NCSTN: variants seen among roughly 807,000 people sequenced by gnomAD.
NCSTN encodes nicastrin, also known as anterior pharynx-defective 2.
A neutral mutation model predicts 87.0 loss-of-function variants in NCSTN; 22 were observed. The ratio of observed to expected loss-of-function variants is 0.25; its 90% CI spans 0.18 to 0.36. The LOEUF (loss-of-function observed/expected upper bound fraction) is 0.36. Among genes scored for constraint, NCSTN ranks in the 10% least tolerant of loss-of-function variants. The probability of loss-of-function intolerance (pLI) is 1.00; values close to 1 mark genes in which losing one functional copy is unlikely to be tolerated. For synonymous variants in NCSTN, 306 were observed against 327.1 expected (o/e 0.94, Z 0.69); for missense variants, 693 against 883.3 (o/e 0.78, Z 2.73).
chr1:160,351,193 G>C (rs1332491245), intron 5 of NCSTN, 29 bp from the exon 6 acceptor site: 1 of 1,613,720 alleles, frequency 6.2e-7, no homozygotes, highest in African/African-American at 1.3e-5. Flanking sequence ...CAAACTAGCT[G>C]TCTCAGTGGG....
intron 5 of NCSTN, 87 bp from the exon 6 acceptor site, chr1:160,351,135 G>C: frequency 1.4e-6 from 2 of 1,417,508 alleles, no homozygotes; most frequent in Non-Finnish European, 2.0e-6. Context: ...CATCCCAAAA[G>C]GATGGAACTG....
chr1:160,358,019 A>C (rs1258706571), intron 16 of NCSTN, 130 bp from the exon 17 acceptor site: 26 of 1,173,434 alleles, frequency 2.2e-5, no homozygotes, highest in Non-Finnish European at 2.7e-5. Flanking sequence ...GTTGCCCATG[A>C]TTATTCCATA....
rs777729033 is a variant in NCSTN, at chr1:160,356,581, C to T, written c.1640-19C>T. The T allele has an allele frequency of 1.2e-6, 2 of 1,614,166 alleles. No homozygotes were observed. The highest frequency in any genetic ancestry group is 2.2e-5 in the East Asian group (1 of 44,882). ...CCATCCACCCACCAAATCTTCCCTTCCCTTTGGTCTGCACTCAGGTGACGG... is the reference window on the plus strand; with the variant it reads ...CCATCCACCCACCAAATCTTCCCTTTCCTTTGGTCTGCACTCAGGTGACGG... On this transcript the variant is annotated intron_variant, in intron 14 of 16. Transcript: ENST00000294785.
In NCSTN at chr1:160,358,334, G is replaced by A; in HGVS notation, c.*63G>A. The stretch of plus-strand genomic sequence containing the variant: ...CTTCCTAGAGCATCTGTCCCACTGG[G>A]ACACAACCACTAATTTGTCACTGGA... On this transcript the variant is annotated 3_prime_UTR_variant, in exon 17 of 17. Coordinates refer to ENST00000294785, the MANE Select transcript of NCSTN (RefSeq NM_015331.3). 2 of 1,609,722 alleles carry A rather than the reference G, an allele frequency of 1.2e-6. No individual in the cohort carries two copies. Among genetic ancestry groups the A allele is most frequent in the Non-Finnish European group, 1.7e-6 (2 of 1,178,346 alleles).
chr1:160,349,934 A>G (rs551133842), intron 4 of NCSTN, among the ~76,000 whole-genome samples, 171 bp from the exon 5 acceptor site: 3 of 151,972 alleles, frequency 2.0e-5, no homozygotes, highest in African/African-American at 7.3e-5. Context: ...CCCTGATACC[A>G]TTGTCTTTCT....
Position 160,353,150 on chromosome 1 carries a change from C to A in NCSTN, c.1102-10C>A, listed in dbSNP as rs375632985. ...TGATTCTAAGTGTTGTTTCTTCATC[C>A]TCCCCCCAGGTGGCCTTAAGAACTT... On this transcript the variant is annotated splice_polypyrimidine_tract_variant and intron_variant, in intron 9 of 16. Transcript: ENST00000294785. The A allele has an allele frequency of 3.4e-5, 55 of 1,613,678 alleles. 1 individual carries two copies. Among genetic ancestry groups the A allele is most frequent in the East Asian group, 2.4e-4 (11 of 44,902 alleles).
intron 8 of NCSTN, among the ~76,000 whole-genome samples, chr1:160,352,449 G>C (rs1648906446): frequency 6.6e-6 from 1 of 152,142 alleles, no homozygotes; most frequent in Non-Finnish European, 1.5e-5. Flanking sequence ...TTCCCCCACT[G>C]ATAAGATATA....
intron 5 of NCSTN, among the ~76,000 whole-genome samples, 166 bp from the exon 6 acceptor site, chr1:160,351,056 T>C (rs1157811369): frequency 6.6e-6 from 1 of 152,206 alleles, no homozygotes; most frequent in Non-Finnish European, 1.5e-5. Context: ...TCTTTGACCT[T>C]ATAGATCCTA....
At chr1:160,349,349 C>T (rs1235327271) in intron 3 of NCSTN, 200 bp from the exon 4 acceptor site, 4 of 936,884 alleles carry the variant, frequency 4.3e-6, no homozygotes, top group African/African-American at 1.6e-5. Flanking sequence ...CCTCCCCTCC[C>T]TCCCTGGGGT....
At chr1:160,351,859 AGGCC>A (rs1648864879) in intron 7 of NCSTN, 54 bp downstream of exon 7, 1 of 1,491,692 alleles carries the variant, frequency 6.7e-7, no homozygotes, top group Non-Finnish European at 9.4e-7. Context: ...AAGAGCTGGT[AGGCC>A]CCGCTCTAGC....
chr1:160,353,467 T>C (rs1571208030), intron 10 of NCSTN: 1 of 1,422,318 alleles, frequency 7.0e-7, no homozygotes, highest in Non-Finnish European at 9.2e-7. Context: ...TGATCATTTG[T>C]TGCCTAGCAG....
At chr1:160,349,335 C>T (rs1557884453) in intron 3 of NCSTN, among the ~76,000 whole-genome samples, 3 of 152,160 alleles carry the variant, frequency 2.0e-5, no homozygotes, top group African/African-American at 4.8e-5. Context: ...TAACCCTGGG[C>T]ATCCCTCCCC....
Position 160,354,253 on chromosome 1 carries a change from G to T in NCSTN, c.1315G>T (p.Val439Phe), listed in dbSNP as rs144264818. ...TCTTCGAGCTCGAAACATCTCTGGC[G>T]TTGTTCTGGCTGACCACTCTGGTGC... ...RFLRARNISGVVLADHSGAFH... is the reference protein window; with the variant it reads ...RFLRARNISGFVLADHSGAFH... The change falls in exon 11 of 17, where the codon GTT (valine) becomes TTT (phenylalanine). Residue 439 changes from valine to phenylalanine, a missense_variant. Physicochemically the swap from Val to Phe is conservative, Grantham distance 50 (BLOSUM62 -1). Transcript: ENST00000294785. 1 of 1,614,160 alleles carries T rather than the reference G, an allele frequency of 6.2e-7. No individual in the cohort carries two copies. Among genetic ancestry groups the T allele is most frequent in the South Asian group, 1.1e-5 (1 of 91,082 alleles).
At position 160,355,863 on chromosome 1, in the gene NCSTN, G is replaced by A; in HGVS notation, c.1456G>A (p.Ala486Thr). 2 of 1,613,970 alleles carry A rather than the reference G, an allele frequency of 1.2e-6. No individual in the cohort carries two copies. Among genetic ancestry groups the A allele is most frequent in the Non-Finnish European group, 1.7e-6 (2 of 1,179,856 alleles). ...DLNFVTDTAK[A>T]LADVATVLGR... ...TCAGCCCCCTCCTCACCTACCACAG[G>A]CCCTGGCAGATGTGGCCACGGTGCT... The change falls in exon 13 of 17, where the codon GCC becomes ACC. Residue 486 changes from alanine (A) to threonine (T), a missense_variant and splice_region_variant. By Grantham distance (58) the Ala-to-Thr change is moderately conservative. This residue lies in a region of NCSTN where 216 missense variants were observed against 311.7 expected (regional missense o/e 0.69). Coordinates refer to ENST00000294785, the MANE Select transcript of NCSTN (RefSeq NM_015331.3).
chr1:160,347,963 T>G (rs1184136259), intron 2 of NCSTN, among the ~76,000 whole-genome samples: 1 of 152,244 alleles, frequency 6.6e-6, no homozygotes, highest in Non-Finnish European at 1.5e-5. Flanking sequence ...TTTCCCATGT[T>G]TTAAATGCTG....
rs771360281 is a variant in NCSTN, at chr1:160,356,741, G to A, written c.1781G>A (p.Ser594Asn). Residue 594 changes from serine to asparagine, a missense_variant, in exon 15 of 17, where the codon AGT becomes AAT. Around this residue, in one of 4 missense-constraint regions of NCSTN, gnomAD observed 216 missense variants for 311.7 expected, o/e 0.69. Coordinates refer to ENST00000294785, the MANE Select transcript of NCSTN (RefSeq NM_015331.3). ...TGCCAGGATCCAAGTAAAGTCCCAA[G>A]TGAAAACAAGGATGTGAGTGGTGGT... ...EQCQDPSKVP[S>N]ENKDLYEYSW... The A allele has an allele frequency of 6.2e-7, 1 of 1,614,258 alleles. No homozygotes were observed. Among genetic ancestry groups the A allele is most frequent in the Non-Finnish European group, 8.5e-7 (1 of 1,180,054 alleles).
At chr1:160,357,529 C>T (rs985251758) in intron 16 of NCSTN, among the ~76,000 whole-genome samples, 8 of 152,166 alleles carry the variant, frequency 5.3e-5, no homozygotes, top group African/African-American at 1.9e-4. Context: ...CTCAGCCTTT[C>T]GAGTAGCTGG....
intron 11 of NCSTN, among the ~76,000 whole-genome samples, chr1:160,354,756 G>T (rs1438540054): frequency 6.6e-6 from 1 of 152,200 alleles, no homozygotes; most frequent in Non-Finnish European, 1.5e-5. Context: ...TTCAGTGCGA[G>T]GGTAAAAGTG....
At chr1:160,353,637 C>G in intron 10 of NCSTN, 2 of 1,179,546 alleles carry the variant, frequency 1.7e-6, no homozygotes, top group Non-Finnish European at 2.1e-6. Flanking sequence ...CAAAACCTTC[C>G]CTTCCCTCTA....
Sources: gnomAD v4.1 joint callset for allele counts (sites outside exome capture counted in the v4.1 genomes callset) on GRCh38, gnomAD v4.1.1 for gene constraint, gnomAD v4.1.1 regional missense constraint, MANE v1.5 for transcripts, NCBI Gene and HGNC (gene_info 2026-07-23, HGNC 2026-07-21) for gene names.